Variants in CTNNBIP1 observed in about 807,000 individuals in gnomAD.
CTNNBIP1 encodes the protein catenin beta interacting protein 1, also known as beta-catenin-interacting protein 1.
CTNNBIP1 carries 7 observed loss-of-function variants against 11.8 expected under a neutral mutation model. The ratio of observed to expected loss-of-function variants is 0.60; its 90% CI spans 0.34 to 1.12. The LOEUF (loss-of-function observed/expected upper bound fraction) is 1.12. CTNNBIP1 is among the 50% of genes most tolerant of loss of function. The pLI is 0.03. For synonymous variants in CTNNBIP1, 58 were observed against 43.9 expected (o/e 1.32, Z -1.26); for missense variants, 101 against 113.4 (o/e 0.89, Z 0.50).
intron 1 of CTNNBIP1, among the ~76,000 whole-genome samples, chr1:9,899,369 T>TC (rs1290633367): frequency 6.9e-6 from 1 of 145,400 alleles, no homozygotes; most frequent in Non-Finnish European, 1.5e-5. Flanking sequence ...GGCAGGAGAA[T>TC]CGCTGGAACC....
intron 5 of CTNNBIP1, among the ~76,000 whole-genome samples, chr1:9,866,027 C>G (rs1638737156): frequency 6.6e-6 from 1 of 152,188 alleles, no homozygotes; most frequent in Non-Finnish European, 1.5e-5. Flanking sequence ...TCCAGGTCTG[C>G]TTAGACACCC....
chr1:9,851,473 C>T lies in CTNNBIP1; in HGVS notation c.188-697G>A, dbSNP rs1291619475. 1.3e-5 allele frequency among the ~76,000 whole-genome samples: 2 copies of T among 152,076 alleles called. No individual in the cohort carries two copies. Among genetic ancestry groups the T allele is most frequent in the African/African-American group, 4.8e-5 (2 of 41,406 alleles). On this transcript the variant is annotated intron_variant, in intron 5 of 5. Transcript: ENST00000377263. This position sits in a 1 kb window ranked among gnomAD's most constrained non-coding sequence, Gnocchi z 4.8. ...GCATCCTCTGCCTCCCGGGTTCAAGCGATCCTCCTGCCTCAGCCTCCTGAG... is the reference window on the plus strand; with the variant it reads ...GCATCCTCTGCCTCCCGGGTTCAAGTGATCCTCCTGCCTCAGCCTCCTGAG...
intron 5 of CTNNBIP1, among the ~76,000 whole-genome samples, chr1:9,864,669 T>G (rs1266699281): frequency 1.3e-5 from 2 of 152,174 alleles, no homozygotes; most frequent in Non-Finnish European, 2.9e-5. Context: ...GGATGACAGT[T>G]CTGCGGGTGA....
At position 9,871,905 on chromosome 1, in the gene CTNNBIP1, G is replaced by T; in HGVS notation, c.96+64C>A. On this transcript the variant is annotated intron_variant, in intron 4 of 5. Transcript: ENST00000377263. The surrounding 1 kb of genome is among the most constrained non-coding windows in gnomAD (Gnocchi z 5.2). The stretch of plus-strand genomic sequence containing the variant: ...AGTGGCTCCACCCTCCAATAGCCCA[G>T]CAGGGCCCCTCCCTGGGAGACCCTC... 2 of 1,427,112 alleles carry T rather than the reference G, an allele frequency of 1.4e-6. No individual in the cohort carries two copies. The highest frequency in any genetic ancestry group is 2.0e-6 in the Non-Finnish European group (2 of 1,012,474). 88.4% of individuals were successfully genotyped at this position (1,427,112 alleles called of 1,614,324 possible). A position where few individuals can be genotyped will look rare whatever the true frequency, so the allele number is the denominator to read the frequency against.
rs1429186808 is a variant in CTNNBIP1, at chr1:9,849,296, G to C, written c.*1422C>G. ...AGTTTGGCTTAAGGGCCAGTCTGAAGGGACTTGCTTGGTGAAGGCCCAGCC... is the reference window on the plus strand; with the variant it reads ...AGTTTGGCTTAAGGGCCAGTCTGAACGGACTTGCTTGGTGAAGGCCCAGCC... On this transcript the variant is annotated 3_prime_UTR_variant, in exon 6 of 6. Transcript: ENST00000377263. 6.6e-6 allele frequency: 1 copy of C among 152,412 alleles called. No homozygotes were observed. The highest frequency in any genetic ancestry group is 1.5e-5 in the Non-Finnish European group (1 of 68,158). The allele number at this position is 152,412 out of a possible 1,614,324, so 9.4% of individuals were successfully genotyped here. A position where few individuals can be genotyped will look rare whatever the true frequency, so the allele number is the denominator to read the frequency against.
intron 1 of CTNNBIP1, among the ~76,000 whole-genome samples, chr1:9,886,316 T>C (rs1469174778): frequency 2.6e-5 from 4 of 152,166 alleles, no homozygotes; most frequent in Non-Finnish European, 4.4e-5. Context: ...TGTCTGCACA[T>C]TGCAGAAGCT....
intron 5 of CTNNBIP1, among the ~76,000 whole-genome samples, chr1:9,864,443 C>A (rs1638700010): frequency 2.6e-5 from 4 of 152,242 alleles, no homozygotes; most frequent in Admixed American, 2.6e-4. Flanking sequence ...ATTCTCCTGC[C>A]TCAGCCTCCT....
intron 1 of CTNNBIP1, among the ~76,000 whole-genome samples, chr1:9,891,570 G>T (rs989073750): frequency 2.0e-5 from 3 of 152,088 alleles, no homozygotes; most frequent in African/African-American, 7.2e-5. Context: ...CCGGCTCTGG[G>T]GATGGTCATC....
intron 1 of CTNNBIP1, among the ~76,000 whole-genome samples, chr1:9,891,585 G>A (rs1639300724): frequency 6.6e-6 from 1 of 152,114 alleles, no homozygotes; most frequent in Non-Finnish European, 1.5e-5. Context: ...GTCATCCTCA[G>A]GACCTGGCTG....
rs1383810584 is a variant in CTNNBIP1, at chr1:9,871,173, T to C, written c.187+14A>G. The C allele has an allele frequency of 3.9e-6, 6 of 1,555,036 alleles. No homozygotes were observed. Among genetic ancestry groups the C allele is most frequent in the Non-Finnish European group, 5.2e-6 (6 of 1,149,968 alleles). ...ACTTGTGCCACTGCCCCAGCCCCTCTGCCGCCAACTCACCCTGGTCGATGG... is the reference window on the plus strand; with the variant it reads ...ACTTGTGCCACTGCCCCAGCCCCTCCGCCGCCAACTCACCCTGGTCGATGG... On this transcript the variant is annotated intron_variant, in intron 5 of 5. Transcript: ENST00000377263. This position sits in a 1 kb window ranked among gnomAD's most constrained non-coding sequence, Gnocchi z 5.2.
Position 9,872,135 on chromosome 1 carries a change from C to G in CTNNBIP1, c.-24-47G>C. The G allele has an allele frequency of 8.6e-7, 1 of 1,158,188 alleles. No homozygotes were observed. The highest frequency in any genetic ancestry group is 1.3e-6 in the Non-Finnish European group (1 of 771,718). The allele number at this position is 1,158,188 out of a possible 1,614,324, so 71.7% of individuals were successfully genotyped here. On this transcript the variant is annotated intron_variant, in intron 3 of 5. Transcript: ENST00000377263. This position sits in a 1 kb window ranked among gnomAD's most constrained non-coding sequence, Gnocchi z 4.0. Reference sequence around the variant, plus strand: ...CAAAAGGGAAGAGATCAGGATGTGACATACTGGGACAATGACACCTGCTAG... The same window carrying G: ...CAAAAGGGAAGAGATCAGGATGTGAGATACTGGGACAATGACACCTGCTAG...
intron 5 of CTNNBIP1, among the ~76,000 whole-genome samples, chr1:9,865,326 C>T (rs1638720974): frequency 6.6e-6 from 1 of 151,916 alleles, no homozygotes; most frequent in Admixed American, 6.6e-5. Flanking sequence ...TAAGGCCGGG[C>T]GCGGTGGCTC....
At chr1:9,865,627 AC>A (rs377459730) in intron 5 of CTNNBIP1, among the ~76,000 whole-genome samples, 81 of 152,186 alleles carry the variant, frequency 5.3e-4, no homozygotes, top group African/African-American at 1.8e-3. Context: ...AAACAAAAAA[AC>A]AACAAGAAAA....
intron 2 of CTNNBIP1, among the ~76,000 whole-genome samples, chr1:9,879,785 G>C (rs1041099912): frequency 6.6e-6 from 1 of 152,092 alleles, no homozygotes; most frequent in Non-Finnish European, 1.5e-5. Context: ...TATCATTCCC[G>C]TCTACAGGGC....
At chr1:9,905,651 C>T (rs1363385451) in intron 1 of CTNNBIP1, among the ~76,000 whole-genome samples, 2 of 151,328 alleles carry the variant, frequency 1.3e-5, no homozygotes, top group Non-Finnish European at 2.9e-5. Context: ...AGGATGGTCT[C>T]GATCTCCTGA....
intron 5 of CTNNBIP1, among the ~76,000 whole-genome samples, chr1:9,869,488 C>G (rs753600209): frequency 2.0e-5 from 3 of 152,082 alleles, no homozygotes; most frequent in Non-Finnish European, 4.4e-5. Flanking sequence ...CCATGCCCAG[C>G]TAACTTTTGT....
intron 1 of CTNNBIP1, among the ~76,000 whole-genome samples, chr1:9,894,696 T>A (rs1310680978): frequency 1.3e-5 from 2 of 151,588 alleles, no homozygotes; most frequent in Non-Finnish European, 2.9e-5. Flanking sequence ...CCCAGCTAAT[T>A]TTTATAGTTT....
chr1:9,881,498 C>T (rs1002105577), intron 2 of CTNNBIP1, among the ~76,000 whole-genome samples: 5 of 152,036 alleles, frequency 3.3e-5, no homozygotes, highest in Admixed American at 1.3e-4. Flanking sequence ...CGCCACCACA[C>T]CCGGCTATTT....
At chr1:9,902,043 C>G (rs1239996140) in intron 1 of CTNNBIP1, among the ~76,000 whole-genome samples, 1 of 152,140 alleles carries the variant, frequency 6.6e-6, no homozygotes, top group East Asian at 1.9e-4. Flanking sequence ...CCTCCCTGAC[C>G]TTGGTCTTTG....
Sources: gnomAD v4.1 joint callset for allele counts (sites outside exome capture counted in the v4.1 genomes callset) on GRCh38, gnomAD v4.1.1 for gene constraint, Gnocchi (gnomAD v3.1) non-coding constraint, MANE v1.5 for transcripts, NCBI Gene and HGNC (gene_info 2026-07-23, HGNC 2026-07-21) for gene names.